Variants in MANBA observed in about 807,000 individuals in gnomAD.
MANBA encodes beta-mannosidase.
In MANBA, 83 loss-of-function variants were observed where a neutral mutation model predicts 111.1. The ratio of observed to expected loss-of-function variants is 0.75; its 90% confidence interval spans 0.63 to 0.90. The LOEUF is 0.90. Among genes scored for constraint, MANBA ranks in the 40% least tolerant of loss-of-function variants. The probability of loss-of-function intolerance (pLI) is 0.00; values close to 1 mark genes in which losing one functional copy is unlikely to be tolerated. For missense variants in MANBA, 1,036 were observed against 1,069.0 expected, an observed-to-expected ratio of 0.97 and a Z score of 0.43; for synonymous variants, 370 against 378.7, an observed-to-expected ratio of 0.98 and a Z score of 0.27.
intron 2 of MANBA, among the ~76,000 whole-genome samples, chr4:102,725,136 T>TG (rs1373799376): frequency 6.6e-6 from 1 of 152,226 alleles, no homozygotes; most frequent in South Asian, 2.1e-4. Context: ...TAACTTTTTG[T>TG]GGGGGGATGA....
intron 10 of MANBA, 115 bp from the exon 11 acceptor site, chr4:102,664,967 C>CAAA: frequency 1.3e-6 from 1 of 773,050 alleles, no homozygotes; most frequent in Admixed American, 2.5e-5. Flanking sequence ...TCTTATGTGC[C>CAAA]AAAAACCTAA....
At chr4:102,680,230 C>G in intron 7 of MANBA, among the ~76,000 whole-genome samples, 1 of 152,130 alleles carries the variant, frequency 6.6e-6, no homozygotes, top group East Asian at 1.9e-4. Flanking sequence ...TTTCTGTGCA[C>G]TTATCTTCAA....
intron 13 of MANBA, among the ~76,000 whole-genome samples, chr4:102,646,087 G>T (rs1730088957): frequency 6.6e-6 from 1 of 151,972 alleles, no homozygotes; most frequent in Non-Finnish European, 1.5e-5. Context: ...GAGTGATATG[G>T]GTGTCTGGAG....
In MANBA at chr4:102,631,404, G is replaced by C. The variant is rs1228200050; in HGVS notation, c.*653C>G. 1 of 200,166 alleles carries C rather than the reference G, an allele frequency of 5.0e-6. No individual in the cohort carries two copies. Among genetic ancestry groups the C allele is most frequent in the Non-Finnish European group, 9.9e-6 (1 of 100,982 alleles). 12.4% of individuals were successfully genotyped at this position (200,166 alleles called of 1,614,324 possible). A position where few individuals can be genotyped will look rare whatever the true frequency, so the allele number is the denominator to read the frequency against. On this transcript the variant is annotated 3_prime_UTR_variant, in exon 17 of 17. Transcript: ENST00000647097. Reference sequence around the variant, plus strand: ...AGTTTACCAAGCAGAATAATAACGAGAACTAAATGGAAATTAGGGTCCAGC... The same window carrying C: ...AGTTTACCAAGCAGAATAATAACGACAACTAAATGGAAATTAGGGTCCAGC...
intron 1 of MANBA, chr4:102,734,639 C>A: frequency 6.5e-7 from 1 of 1,533,446 alleles, no homozygotes; most frequent in Non-Finnish European, 9.0e-7. Context: ...AGGAGCCAGA[C>A]AGGCAGGGAG....
intron 5 of MANBA, among the ~76,000 whole-genome samples, chr4:102,708,523 T>C (rs1487711126): frequency 6.6e-6 from 1 of 152,078 alleles, no homozygotes; most frequent in Non-Finnish European, 1.5e-5. Flanking sequence ...GGGAAGTTTA[T>C]AGCAACAGAT....
At chr4:102,695,135 C>T (rs1180716922) in intron 5 of MANBA, among the ~76,000 whole-genome samples, 1 of 152,154 alleles carries the variant, frequency 6.6e-6, no homozygotes, top group Non-Finnish European at 1.5e-5. Flanking sequence ...CAGAGTATCA[C>T]AAGACAACTC....
intron 1 of MANBA, among the ~76,000 whole-genome samples, chr4:102,745,723 T>A (rs1723562354): frequency 6.6e-6 from 1 of 152,244 alleles, no homozygotes. Context: ...GCAGAATCTC[T>A]ACTTAGTGGG....
In MANBA at chr4:102,635,742, G is replaced by A. The variant is rs147623045; in HGVS notation, c.2157+123C>T. ...ATGATTAATGGCAGGGTTGTAGCCTGAATATATGTATTCTAACTCTAAATT... is the reference window on the plus strand; with the variant it reads ...ATGATTAATGGCAGGGTTGTAGCCTAAATATATGTATTCTAACTCTAAATT... On this transcript the variant is annotated intron_variant, in intron 15 of 16. Coordinates refer to ENST00000647097, the MANE Select transcript of MANBA (RefSeq NM_005908.4). 4.4e-4 allele frequency: 441 copies of A among 1,008,538 alleles called. 1 individual carries two copies. The African/African-American group carries it at 6.4e-3, about 15-fold the overall frequency. The allele number at this position is 1,008,538 out of a possible 1,614,324, so 62.5% of individuals were successfully genotyped here.
intron 7 of MANBA, among the ~76,000 whole-genome samples, chr4:102,688,357 A>G (rs1732314647): frequency 6.9e-6 from 1 of 145,624 alleles, no homozygotes; most frequent in Non-Finnish European, 1.5e-5. Flanking sequence ...ACACACATAC[A>G]CACTCTTTCT....
At chr4:102,650,744 G>A (rs2110203297) in intron 12 of MANBA, 43 bp from the exon 13 acceptor site, 2 of 1,516,874 alleles carry the variant, frequency 1.3e-6, no homozygotes, top group Non-Finnish European at 1.8e-6. Context: ...AAAGTTGGCA[G>A]TAAAACTACT....
chr4:102,669,707 A>G (rs6847587), intron 9 of MANBA, among the ~76,000 whole-genome samples: 91,135 of 151,846 alleles, frequency 0.6, 28,479 homozygotes, highest in African/African-American at 0.78. Context: ...TAGGCCAGGC[A>G]CGGTGGCTCA....
intron 1 of MANBA, among the ~76,000 whole-genome samples, chr4:102,732,042 G>C (rs1723051302): frequency 1.3e-5 from 2 of 152,042 alleles, no homozygotes; most frequent in Admixed American, 1.3e-4. Context: ...CAAGTAGCTG[G>C]GATTACAGGC....
intron 1 of MANBA, among the ~76,000 whole-genome samples, chr4:102,743,550 TGCAGGCTGGGGGAGAGACG>T (rs1723486883): frequency 6.6e-6 from 1 of 152,162 alleles, no homozygotes; most frequent in African/African-American, 2.4e-5. Context: ...AGGCCATTAG[TGCAGGCTGGGGGAGAGACG>T]GCAGGGTGGC....
chr4:102,753,253 GA>G (rs1578962319), intron 1 of MANBA, among the ~76,000 whole-genome samples: 1 of 151,914 alleles, frequency 6.6e-6, no homozygotes, highest in East Asian at 1.9e-4. Flanking sequence ...TATATACTTA[GA>G]AAAAAATGTG....
intron 11 of MANBA, among the ~76,000 whole-genome samples, chr4:102,662,280 A>G (rs975965945): frequency 3.9e-5 from 6 of 152,140 alleles, no homozygotes; most frequent in Non-Finnish European, 7.4e-5. Flanking sequence ...GGTGGCTCAC[A>G]CCTGTAATCC....
intron 7 of MANBA, among the ~76,000 whole-genome samples, chr4:102,688,602 T>C (rs1052232249): frequency 6.6e-6 from 1 of 152,184 alleles, no homozygotes; most frequent in Non-Finnish European, 1.5e-5. Context: ...GAGGAGATCT[T>C]TGAAGAGGGT....
chr4:102,696,617 G>A (rs1732720489), intron 5 of MANBA, among the ~76,000 whole-genome samples: 1 of 152,194 alleles, frequency 6.6e-6, no homozygotes, highest in Non-Finnish European at 1.5e-5. Context: ...GCACATTCAA[G>A]TCAGCAAGGG....
intron 1 of MANBA, among the ~76,000 whole-genome samples, chr4:102,745,250 G>T (rs1723545759): frequency 1.3e-5 from 2 of 152,146 alleles, no homozygotes. Flanking sequence ...TCTCCTTGGG[G>T]AAGGATGGGA....
Sources: allele counts gnomAD v4.1 joint callset (sites outside exome capture counted in the v4.1 genomes callset), GRCh38; gene constraint gnomAD v4.1.1; transcripts MANE v1.5; gene names NCBI Gene and HGNC (gene_info 2026-07-23, HGNC 2026-07-21).